Variants in PRKCH observed in about 807,000 individuals in gnomAD.
PRKCH encodes protein kinase C eta type.
Under a neutral mutation model 82.5 loss-of-function variants are expected in PRKCH, and 28 were observed. The observed-to-expected ratio is 0.34, with a 90% CI of 0.25 to 0.47. PRKCH has a LOEUF of 0.47. Ranked by LOEUF, PRKCH falls within the 20% of genes least tolerant of loss-of-function variation. PRKCH has a pLI of 1.00. For missense variants in PRKCH, 705 were observed against 881.8 expected (o/e 0.80, Z 2.54); for synonymous variants, 322 against 327.4 (o/e 0.98, Z 0.18).
At chr14:61,458,845 G>A (rs1410305014) in intron 9 of PRKCH, among the ~76,000 whole-genome samples, 2 of 152,020 alleles carry the variant, frequency 1.3e-5, no homozygotes, top group Non-Finnish European at 2.9e-5. Flanking sequence ...GATCAAGGGG[G>A]GAAATCTGCC....
At position 61,370,204 on chromosome 14, in the gene PRKCH, A is replaced by G. The variant is rs531329359; in HGVS notation, c.364-21021A>G. 7.2e-5 allele frequency among the ~76,000 whole-genome samples: 11 copies of G among 152,180 alleles called. No individual in the cohort carries two copies. In the East Asian group the frequency reaches 2.1e-3, roughly 29 times the overall value. ...GTGATCCGCCTGCCTCGGCCTCCCA[A>G]AGCGTTGGGATTACAGGCGTGAGCC... On this transcript the variant is annotated intron_variant, in intron 1 of 13. Coordinates refer to ENST00000332981, the MANE Select transcript of PRKCH (RefSeq NM_006255.5).
intron 1 of PRKCH, among the ~76,000 whole-genome samples, chr14:61,260,598 A>T (rs1235003739): frequency 1.3e-5 from 2 of 152,236 alleles, no homozygotes; most frequent in Non-Finnish European, 2.9e-5. Context: ...GAATAATTTC[A>T]GTAAATCACA....
At chr14:61,228,769 C>T (rs1309487890) in intron 1 of PRKCH, among the ~76,000 whole-genome samples, 3 of 151,956 alleles carry the variant, frequency 2.0e-5, no homozygotes, top group Admixed American at 6.6e-5. Context: ...TGTCAGGTAC[C>T]GTGGCTCATG....
chr14:61,406,871 C>T (rs778396590), intron 2 of PRKCH, among the ~76,000 whole-genome samples: 7 of 152,060 alleles, frequency 4.6e-5, no homozygotes, highest in Non-Finnish European at 1.0e-4. Flanking sequence ...ATGGCTCCAC[C>T]AGTGTTGGTC....
At chr14:61,469,035 T>C (rs1238442560) in intron 9 of PRKCH, among the ~76,000 whole-genome samples, 1 of 152,190 alleles carries the variant, frequency 6.6e-6, no homozygotes, top group Non-Finnish European at 1.5e-5. Flanking sequence ...CCAGGTGGTT[T>C]AGTGAAAAAT....
At chr14:61,245,338 T>C (rs1377767297) in intron 1 of PRKCH, among the ~76,000 whole-genome samples, 1 of 152,174 alleles carries the variant, frequency 6.6e-6, no homozygotes, top group Non-Finnish European at 1.5e-5. Context: ...ATCCTCTTTC[T>C]TGATCTCTTC....
At position 61,546,357 on chromosome 14, in the gene PRKCH, A is replaced by G. The variant is rs76201229; in HGVS notation, c.1762-1386A>G. Among the ~76,000 whole-genome samples the G allele has an allele frequency of 2.4e-3, 373 of 152,354 alleles. 5 individuals carry two copies. The East Asian group carries it at 0.035, about 14-fold the overall frequency. On this transcript the variant is annotated intron_variant, in intron 12 of 13. Coordinates refer to ENST00000332981, the MANE Select transcript of PRKCH (RefSeq NM_006255.5). ...TACTTTTGGGTCCTGCCTCCAACCC[A>G]GAACCACCTGTGGCCTTTAATTCCT...
At chr14:61,273,313 C>G (rs1044165978) in intron 1 of PRKCH, among the ~76,000 whole-genome samples, 2 of 152,162 alleles carry the variant, frequency 1.3e-5, no homozygotes, top group African/African-American at 2.4e-5. Context: ...AAACCAAACA[C>G]CAGCCAGCAA....
chr14:61,280,904 C>T lies in PRKCH; in HGVS notation c.-19+93236C>T, dbSNP rs1484687694. ...GGCGGCAGCGCCCGGCCCTGGCCAG[C>T]CGCGGCGCACACCGAGCAGTTACCG... On this transcript the variant is annotated intron_variant, in intron 1 of 3. Coordinates refer to the PRKCH transcript ENST00000555185. The surrounding 1 kb of genome is among the most constrained non-coding windows in gnomAD (Gnocchi z 5.0). 1.3e-6 allele frequency: 2 copies of T among 1,546,076 alleles called. No individual in the cohort carries two copies. The highest frequency in any genetic ancestry group is 2.4e-5 in the East Asian group (1 of 42,236).
At chr14:61,486,964 C>G (rs181939096) in intron 10 of PRKCH, among the ~76,000 whole-genome samples, 41 of 152,306 alleles carry the variant, frequency 2.7e-4, no homozygotes, top group Admixed American at 1.0e-3. Flanking sequence ...ATCATAAACT[C>G]ATGACAGTAT....
At chr14:61,453,010 C>T in intron 6 of PRKCH, 1 of 584,034 alleles carries the variant, frequency 1.7e-6, no homozygotes. Flanking sequence ...ATATATTATT[C>T]TTTAGTATGC....
chr14:61,394,415 T>G (rs1460729139), intron 2 of PRKCH, among the ~76,000 whole-genome samples: 1 of 152,170 alleles, frequency 6.6e-6, no homozygotes, highest in African/African-American at 2.4e-5. Flanking sequence ...TATGGAACAT[T>G]GTTGATAAAA....
chr14:61,471,492 C>G (rs1885501817), intron 9 of PRKCH, among the ~76,000 whole-genome samples: 2 of 152,048 alleles, frequency 1.3e-5, no homozygotes, highest in African/African-American at 4.8e-5. Context: ...CATCGCCACT[C>G]AGAGCTGTCT....
intron 10 of PRKCH, among the ~76,000 whole-genome samples, chr14:61,504,766 GA>G (rs777254188): frequency 6.6e-6 from 1 of 152,120 alleles, no homozygotes; most frequent in Non-Finnish European, 1.5e-5. Context: ...CACACTGGGG[GA>G]AATTGCCTTT....
At chr14:61,462,467 C>T (rs1885068683) in intron 9 of PRKCH, among the ~76,000 whole-genome samples, 1 of 152,164 alleles carries the variant, frequency 6.6e-6, no homozygotes, top group South Asian at 2.1e-4. Flanking sequence ...GTTTTGCTGT[C>T]GTTGTTGCCT....
chr14:61,488,111 G>A lies in PRKCH; in HGVS notation c.1433+2455G>A, dbSNP rs371472508. ...GGAGCCTGCAGTGAGCCGAGATCGC[G>A]CCACCGCACTCCAGCCTGGGCGACA... On this transcript the variant is annotated intron_variant, in intron 10 of 13. Transcript: ENST00000332981. 5.8e-4 allele frequency among the ~76,000 whole-genome samples: 88 copies of A among 151,374 alleles called. 1 individual carries two copies. The South Asian group carries it at 0.017, about 28-fold the overall frequency.
At chr14:61,324,846 A>C (rs1361054596) in intron 1 of PRKCH, among the ~76,000 whole-genome samples, 1 of 152,202 alleles carries the variant, frequency 6.6e-6, no homozygotes, top group Non-Finnish European at 1.5e-5. Context: ...AGAGAGTTAA[A>C]TGTGGAATAA....
intron 1 of PRKCH, among the ~76,000 whole-genome samples, chr14:61,236,719 A>AC (rs2044791793): frequency 6.8e-6 from 1 of 147,512 alleles, no homozygotes; most frequent in Admixed American, 6.7e-5. Flanking sequence ...ACAAAAAAAA[A>AC]AAAAAAAAAA....
Position 61,322,372 on chromosome 14 carries a change from C to T in PRKCH, c.271C>T (p.Pro91Ser). 6.2e-7 allele frequency: 1 copy of T among 1,613,316 alleles called. No homozygotes were observed. The highest frequency in any genetic ancestry group is 1.1e-5 in the South Asian group (1 of 91,056). ...CGAGTTGGCCGTCTTCCACGAGACG[C>T]CCCTGGGCTACGACCACTTCGTGGC... ...HLELAVFHET[P>S]LGYDHFVANC... is the part of the protein sequence containing the mutation. The change falls in exon 1 of 14, where the codon CCC (proline) becomes TCC (serine). Residue 91 changes from proline (P) to serine (S), a missense_variant. Physicochemically the swap from Pro to Ser is moderately conservative, Grantham distance 74. This residue lies in a region of PRKCH where 246 missense variants were observed against 308.0 expected (regional missense o/e 0.80). Transcript: ENST00000332981.
Sources: gnomAD v4.1 joint callset for allele counts (sites outside exome capture counted in the v4.1 genomes callset) on GRCh38, gnomAD v4.1.1 for gene constraint, gnomAD v4.1.1 regional missense constraint, Gnocchi (gnomAD v3.1) non-coding constraint, MANE v1.5 for transcripts, NCBI Gene and HGNC (gene_info 2026-07-23, HGNC 2026-07-21) for gene names.